The following CTDSPL variants were observed in gnomAD, a reference collection of about 807,000 sequenced individuals.
CTDSPL encodes CTD small phosphatase like, also known as CTD small phosphatase-like protein.
In CTDSPL, 8 loss-of-function variants were observed where a neutral mutation model predicts 30.5. The observed-to-expected ratio is 0.26, with a 90% CI of 0.15 to 0.47. The LOEUF is 0.47. CTDSPL is among the 20% of genes least tolerant of loss of function. The pLI, the probability that CTDSPL is intolerant of heterozygous loss-of-function variation, is 0.99. For synonymous variants in CTDSPL, 110 were observed against 137.9 expected (o/e 0.80, Z 1.42); for missense variants, 248 against 366.1 (o/e 0.68, Z 2.63).
At chr3:37,864,238 C>G (rs144200081) in intron 1 of CTDSPL, among the ~76,000 whole-genome samples, 1 of 152,198 alleles carries the variant, frequency 6.6e-6, no homozygotes, top group Non-Finnish European at 1.5e-5. Context: ...TGCTGCCCCC[C>G]ACCTGACTCC....
intron 1 of CTDSPL, among the ~76,000 whole-genome samples, chr3:37,897,941 C>G (rs1698407196): frequency 6.6e-6 from 1 of 152,188 alleles, no homozygotes. Flanking sequence ...CGGTTATACA[C>G]TAGAGAGCTC....
At chr3:37,948,804 C>CTTTTTTTTTTTTT (rs1559641745) in intron 2 of CTDSPL, among the ~76,000 whole-genome samples, 1 of 135,904 alleles carries the variant, frequency 7.4e-6, no homozygotes, top group African/African-American at 3.1e-5. Context: ...CATTTTCCAG[C>CTTTTTTTTTTTTT]TTTCTTTTTT....
At chr3:37,940,523 C>T (rs544635400) in intron 1 of CTDSPL, among the ~76,000 whole-genome samples, 2 of 150,608 alleles carry the variant, frequency 1.3e-5, no homozygotes, top group African/African-American at 4.8e-5. Flanking sequence ...GCTTCATGCT[C>T]AGGTAGGTAT....
intron 7 of CTDSPL, among the ~76,000 whole-genome samples, chr3:37,979,900 A>G (rs1003880908): frequency 6.6e-6 from 1 of 152,202 alleles, no homozygotes; most frequent in African/African-American, 2.4e-5. Context: ...TGGTTCCGAC[A>G]TCAAAACTAT....
At chr3:37,880,818 C>T (rs2125592119) in intron 1 of CTDSPL, among the ~76,000 whole-genome samples, 1 of 152,198 alleles carries the variant, frequency 6.6e-6, no homozygotes. Context: ...TTGTATTGGT[C>T]AGAGTTCTTA....
intron 1 of CTDSPL, among the ~76,000 whole-genome samples, chr3:37,925,378 T>C (rs1698769553): frequency 6.6e-6 from 1 of 152,220 alleles, no homozygotes. Context: ...GTTCCTGGGC[T>C]TGTCTTTCTC....
At chr3:37,979,026 T>C (rs1299789390) in intron 7 of CTDSPL, among the ~76,000 whole-genome samples, 2 of 152,236 alleles carry the variant, frequency 1.3e-5, no homozygotes, top group Non-Finnish European at 2.9e-5. Context: ...TCTAAAGATA[T>C]TAACATAATT....
chr3:37,910,784 A>T (rs1258588480), intron 1 of CTDSPL, among the ~76,000 whole-genome samples: 2 of 152,356 alleles, frequency 1.3e-5, no homozygotes, highest in East Asian at 3.9e-4. Flanking sequence ...TCCCAGGGAA[A>T]CACATAGAGT....
intron 1 of CTDSPL, among the ~76,000 whole-genome samples, chr3:37,943,863 G>A (rs1421707777): frequency 6.7e-6 from 1 of 150,330 alleles, no homozygotes; most frequent in Non-Finnish European, 1.5e-5. Flanking sequence ...GTTCTACTGG[G>A]AAAAGGACAC....
intron 1 of CTDSPL, among the ~76,000 whole-genome samples, chr3:37,918,233 C>T (rs916277056): frequency 2.0e-5 from 3 of 152,016 alleles, no homozygotes; most frequent in Admixed American, 2.0e-4. Flanking sequence ...CAGGTCACTT[C>T]ATTTCTCTGC....
At chr3:37,908,508 A>G (rs1559630540) in intron 1 of CTDSPL, among the ~76,000 whole-genome samples, 2 of 152,182 alleles carry the variant, frequency 1.3e-5, no homozygotes, top group African/African-American at 4.8e-5. Flanking sequence ...GACTAAATGT[A>G]CCAACATTTA....
chr3:37,948,573 T>G (rs560860330), intron 2 of CTDSPL, among the ~76,000 whole-genome samples: 10 of 152,290 alleles, frequency 6.6e-5, no homozygotes, highest in African/African-American at 2.4e-4. Flanking sequence ...CAGGAGTGGC[T>G]GTGGGCGGTG....
At chr3:37,974,515 G>C (rs9881710) in intron 6 of CTDSPL, among the ~76,000 whole-genome samples, 3 of 152,306 alleles carry the variant, frequency 2.0e-5, no homozygotes, top group African/African-American at 7.2e-5. Context: ...GCCTGGCCTC[G>C]TGTCAGGCTT....
chr3:37,954,093 A>C (rs1407455079), intron 2 of CTDSPL, among the ~76,000 whole-genome samples: 5 of 152,214 alleles, frequency 3.3e-5, no homozygotes, highest in African/African-American at 1.2e-4. Flanking sequence ...GAAAGAAAAT[A>C]AGGAAGACAG....
chr3:37,972,671 T>TC (rs1699380662), intron 6 of CTDSPL, among the ~76,000 whole-genome samples: 1 of 152,184 alleles, frequency 6.6e-6, no homozygotes, highest in South Asian at 2.1e-4. Flanking sequence ...TGGTTTAGTC[T>TC]CCCCCTTCAC....
chr3:37,981,395 C>CGT lies in CTDSPL; in HGVS notation c.*540_*541dup, dbSNP rs773773535. On this transcript the variant is annotated 3_prime_UTR_variant, in exon 8 of 8. Coordinates refer to ENST00000273179, the MANE Select transcript of CTDSPL (RefSeq NM_001008392.2). ...ATGACAATTTTCTAGAACCTGGTAGCGTGTGTGTGTGTGGCGGGGGGTGCT... is the reference window on the plus strand; with the variant it reads ...ATGACAATTTTCTAGAACCTGGTAGCGTGTGTGTGTGTGTGGCGGGGGGTGCT... The CGT allele has an allele frequency of 8.2e-4, 135 of 164,202 alleles. No individual in the cohort carries two copies. Among genetic ancestry groups the CGT allele is most frequent in the Middle Eastern group, 3.1e-3 (1 of 322 alleles). The allele number at this position is 164,202 out of a possible 1,614,324, so 10.2% of individuals were successfully genotyped here.
chr3:37,957,713 C>T (rs376703159), intron 3 of CTDSPL, among the ~76,000 whole-genome samples: 5 of 152,158 alleles, frequency 3.3e-5, no homozygotes, highest in East Asian at 1.9e-4. Flanking sequence ...CCCAGCTGGG[C>T]GCTCCCTGAG....
At chr3:37,889,183 T>G (rs1230725303) in intron 1 of CTDSPL, among the ~76,000 whole-genome samples, 4 of 152,188 alleles carry the variant, frequency 2.6e-5, no homozygotes, top group African/African-American at 9.7e-5. Flanking sequence ...TAACTTTTAT[T>G]TATTCATGTA....
intron 1 of CTDSPL, among the ~76,000 whole-genome samples, chr3:37,916,722 T>C (rs181359404): frequency 2.0e-5 from 3 of 152,316 alleles, no homozygotes; most frequent in Admixed American, 6.5e-5. Context: ...TTTCTGTTGT[T>C]TTAAGCTATC....
Sources: gnomAD v4.1 joint callset for allele counts (sites outside exome capture counted in the v4.1 genomes callset) on GRCh38, gnomAD v4.1.1 for gene constraint, MANE v1.5 for transcripts, NCBI Gene and HGNC (gene_info 2026-07-23, HGNC 2026-07-21) for gene names.